Variants in C10orf90 observed in about 807,000 individuals in gnomAD.
C10orf90 encodes chromosome 10 open reading frame 90.
A neutral mutation model predicts 62.5 loss-of-function variants in C10orf90; 56 were observed. The ratio of observed to expected loss-of-function variants is 0.90; its 90% CI spans 0.72 to 1.12. The LOEUF (loss-of-function observed/expected upper bound fraction) is 1.12. Ranked by LOEUF, C10orf90 falls within the 50% of genes most tolerant of loss-of-function variation. The probability of loss-of-function intolerance (pLI) is 0.00; values close to 1 mark genes in which losing one functional copy is unlikely to be tolerated. For missense variants in C10orf90, 970 were observed against 880.4 expected, an observed-to-expected ratio of 1.10 and a Z score of -1.29; for synonymous variants, 386 against 340.4, an observed-to-expected ratio of 1.13 and a Z score of -1.47.
At chr10:126,489,366 AT>A (rs1235172679) in intron 4 of C10orf90, among the ~76,000 whole-genome samples, 1 of 152,178 alleles carries the variant, frequency 6.6e-6, no homozygotes, top group African/African-American at 2.4e-5. Flanking sequence ...AACAACAACG[AT>A]TAAAAACACC....
chr10:126,487,756 G>A (rs979520114), intron 4 of C10orf90, among the ~76,000 whole-genome samples: 1 of 152,178 alleles, frequency 6.6e-6, no homozygotes, highest in Non-Finnish European at 1.5e-5. Context: ...ACAAGGGAAA[G>A]AGAAGCAAAG....
intron 1 of C10orf90, among the ~76,000 whole-genome samples, chr10:126,648,987 T>C (rs1257456130): frequency 6.6e-6 from 1 of 150,732 alleles, no homozygotes; most frequent in African/African-American, 2.5e-5. Flanking sequence ...AACACTGAAG[T>C]GCTTTGGTTT....
chr10:126,593,414 T>G (rs576406119), intron 2 of C10orf90, among the ~76,000 whole-genome samples: 117 of 152,324 alleles, frequency 7.7e-4, no homozygotes, highest in Non-Finnish European at 1.4e-3. Flanking sequence ...GAAGCTGTTA[T>G]TCTCAGCAAA....
chr10:126,519,931 A>G (rs946455111), intron 2 of C10orf90, among the ~76,000 whole-genome samples: 2 of 152,148 alleles, frequency 1.3e-5, no homozygotes, highest in African/African-American at 4.8e-5. Context: ...GCTGCCTCCA[A>G]GTTGCCTCAA....
intron 2 of C10orf90, among the ~76,000 whole-genome samples, chr10:126,640,800 A>G (rs939733667): frequency 2.6e-5 from 4 of 152,244 alleles, no homozygotes; most frequent in African/African-American, 9.6e-5. Context: ...CCAGAAGGAT[A>G]AATCAGACTC....
At chr10:126,483,361 G>A (rs1440579790) in intron 4 of C10orf90, among the ~76,000 whole-genome samples, 1 of 152,202 alleles carries the variant, frequency 6.6e-6, no homozygotes, top group Non-Finnish European at 1.5e-5. Flanking sequence ...CAAGTTTTGT[G>A]CTTTAAGTTT....
intron 2 of C10orf90, among the ~76,000 whole-genome samples, chr10:126,635,656 C>G (rs1845936548): frequency 6.6e-6 from 1 of 152,174 alleles, no homozygotes; most frequent in African/African-American, 2.4e-5. Flanking sequence ...CCTCCCAGAC[C>G]TGCGGACAGT....
intron 2 of C10orf90, among the ~76,000 whole-genome samples, chr10:126,618,950 G>C (rs988766140): frequency 1.3e-5 from 2 of 152,102 alleles, no homozygotes; most frequent in African/African-American, 4.8e-5. Flanking sequence ...CGGTAGGCTG[G>C]ATAAATAAAA....
rs1490170272 is a variant in C10orf90 at position 126,640,641 on chromosome 10, C to A, written c.313+5924G>T. ...TGGAGAGACCTGGGGTGGGGTGGGGCAGGTTGAATCAAGCTTCAGTCAAAA... is the reference window on the plus strand; with the variant it reads ...TGGAGAGACCTGGGGTGGGGTGGGGAAGGTTGAATCAAGCTTCAGTCAAAA... On this transcript the variant is annotated intron_variant, in intron 2 of 9. Coordinates refer to ENST00000488181, the MANE Select transcript of C10orf90 (RefSeq NM_001350921.2). Among the ~76,000 whole-genome samples the A allele has an allele frequency of 2.0e-5, 3 of 152,238 alleles. No individual in the cohort carries two copies. In the East Asian group the frequency reaches 5.8e-4, roughly 29 times the overall value.
intron 2 of C10orf90, among the ~76,000 whole-genome samples, chr10:126,618,155 G>A (rs1202261609): frequency 7.2e-5 from 11 of 152,194 alleles, no homozygotes; most frequent in Non-Finnish European, 5.9e-5. Context: ...GGTGCCTTTT[G>A]ATCTTACAAT....
At chr10:126,506,102 T>G (rs1862717431) in intron 3 of C10orf90, among the ~76,000 whole-genome samples, 1 of 152,264 alleles carries the variant, frequency 6.6e-6, no homozygotes, top group Non-Finnish European at 1.5e-5. Flanking sequence ...CTTTGCTGCA[T>G]TTCAATGATC....
chr10:126,572,358 A>C (rs1055421038), intron 2 of C10orf90, among the ~76,000 whole-genome samples: 1 of 152,196 alleles, frequency 6.6e-6, no homozygotes, highest in Non-Finnish European at 1.5e-5. Context: ...TCCACAGTGC[A>C]AAGTGAAAGC....
chr10:126,607,813 C>A (rs57044802), intron 2 of C10orf90, among the ~76,000 whole-genome samples: 1 of 151,980 alleles, frequency 6.6e-6, no homozygotes, highest in Non-Finnish European at 1.5e-5. Context: ...TTTACTCATA[C>A]GGTTTCATAT....
chr10:126,623,177 T>G (rs1459291329), intron 2 of C10orf90, among the ~76,000 whole-genome samples: 1 of 152,168 alleles, frequency 6.6e-6, no homozygotes, highest in Non-Finnish European at 1.5e-5. Flanking sequence ...AGGCTTTCCC[T>G]GCTCAAAATC....
rs187166655 is a variant in C10orf90, at chr10:126,583,423, G to A, written c.313+63142C>T. 1.0e-3 allele frequency among the ~76,000 whole-genome samples: 156 copies of A among 152,258 alleles called. 1 individual carries two copies. The highest frequency in any genetic ancestry group is 3.4e-3 in the African/African-American group (143 of 41,540). On this transcript the variant is annotated intron_variant, in intron 2 of 9. Transcript: ENST00000488181. ...GATTTTATATTGAACACAGATCCTA[G>A]GTTGGCTGACAGATCCCTTATTCAA...
intron 3 of C10orf90, 119 bp downstream of exon 3, chr10:126,513,729 A>G (rs1591049893): frequency 1.1e-5 from 7 of 654,290 alleles, no homozygotes; most frequent in South Asian, 2.0e-5. Flanking sequence ...TGTTTGCTAC[A>G]TTAATTCAAT....
At chr10:126,446,061 T>C (rs1195296247) in intron 7 of C10orf90, among the ~76,000 whole-genome samples, 1 of 151,964 alleles carries the variant, frequency 6.6e-6, no homozygotes, top group African/African-American at 2.4e-5. Flanking sequence ...CAGCATATAC[T>C]GCTCGAGTGA....
intron 2 of C10orf90, among the ~76,000 whole-genome samples, chr10:126,543,974 G>C (rs2133969786): frequency 6.6e-6 from 1 of 152,292 alleles, no homozygotes; most frequent in African/African-American, 2.4e-5. Flanking sequence ...GGTAGGACTA[G>C]GGCAAGCTGG....
chr10:126,471,654 G>A (rs1860592385), intron 4 of C10orf90, among the ~76,000 whole-genome samples: 2 of 152,160 alleles, frequency 1.3e-5, no homozygotes, highest in South Asian at 4.1e-4. Context: ...TTGTTCTAGT[G>A]TCAAGTTTCA....
Sources: allele counts gnomAD v4.1 joint callset (sites outside exome capture counted in the v4.1 genomes callset), GRCh38; gene constraint gnomAD v4.1.1; transcripts MANE v1.5; gene names NCBI Gene and HGNC (gene_info 2026-07-23, HGNC 2026-07-21).